SEC23B: variants seen among roughly 807,000 people sequenced by gnomAD.
SEC23B encodes protein transport protein Sec23B.
Under a neutral mutation model 104.3 loss-of-function variants are expected in SEC23B, and 77 were observed. The observed-to-expected ratio is 0.74, with a 90% confidence interval of 0.61 to 0.89. The LOEUF is 0.89. Among genes scored for constraint, SEC23B ranks in the 40% least tolerant of loss-of-function variants. The pLI is 0.00. For missense variants in SEC23B, 885 were observed against 949.4 expected (o/e 0.93, Z 0.89); for synonymous variants, 338 against 332.5 (o/e 1.02, Z -0.18).
chr20:18,549,609 C>T (rs935977333), intron 16 of SEC23B, among the ~76,000 whole-genome samples: 3 of 151,508 alleles, frequency 2.0e-5, no homozygotes, highest in Admixed American at 1.3e-4. Context: ...AAAATAGAAA[C>T]GTTTCTAAAT....
chr20:18,525,085 G>T, intron 6 of SEC23B, 65 bp downstream of exon 6: 1 of 1,343,392 alleles, frequency 7.4e-7, no homozygotes, highest in South Asian at 1.2e-5. Context: ...ATGGGAGTAA[G>T]GGAAGAAAAA....
chr20:18,526,688 T>A (rs1053071867), intron 8 of SEC23B, among the ~76,000 whole-genome samples, 157 bp downstream of exon 8: 1 of 152,202 alleles, frequency 6.6e-6, no homozygotes, highest in African/African-American at 2.4e-5. Context: ...AAATTATTGC[T>A]CCTACTTTCA....
chr20:18,526,056 G>A, intron 7 of SEC23B, 124 bp downstream of exon 7: 2 of 1,140,898 alleles, frequency 1.8e-6, no homozygotes, highest in Non-Finnish European at 2.6e-6. Flanking sequence ...GTATCAGAAA[G>A]CATTTGAGGC....
intron 12 of SEC23B, among the ~76,000 whole-genome samples, chr20:18,537,164 T>C (rs62216397): frequency 1 from 145,980 of 146,354 alleles, 72,804 homozygotes; most frequent in Middle Eastern, 1. Context: ...AGTTCAATCC[T>C]TGTGGAAGTC....
intron 11 of SEC23B, among the ~76,000 whole-genome samples, chr20:18,534,069 T>C (rs1455889474): frequency 6.6e-6 from 1 of 152,250 alleles, no homozygotes; most frequent in Non-Finnish European, 1.5e-5. Context: ...TCATTGATTG[T>C]TAACATTTTG....
intron 14 of SEC23B, 43 bp from the exon 15 acceptor site, chr20:18,545,913 T>G: frequency 8.8e-7 from 1 of 1,133,958 alleles, no homozygotes. Flanking sequence ...TTCTCTCTCT[T>G]TTTGTGTGTG....
intron 15 of SEC23B, among the ~76,000 whole-genome samples, chr20:18,548,255 G>C (rs1462811811): frequency 3.6e-5 from 3 of 83,062 alleles, no homozygotes; most frequent in Non-Finnish European, 7.0e-5. Flanking sequence ...CTGGCCAAAG[G>C]CCCTTTAAAA....
intron 3 of SEC23B, among the ~76,000 whole-genome samples, chr20:18,513,856 C>T (rs766171038): frequency 6.6e-6 from 1 of 152,086 alleles, no homozygotes; most frequent in Admixed American, 6.6e-5. Context: ...AGCCAGACTG[C>T]CTGGGTTTGG....
At chr20:18,512,361 G>A (rs766065824) in intron 3 of SEC23B, 79 bp downstream of exon 3, 9 of 884,348 alleles carry the variant, frequency 1.0e-5, no homozygotes, top group Non-Finnish European at 1.3e-5. Context: ...GGTTGAATTT[G>A]TGTTTACACT....
At chr20:18,537,160 ATC>A (rs2148910074) in intron 12 of SEC23B, among the ~76,000 whole-genome samples, 1 of 151,634 alleles carries the variant, frequency 6.6e-6, no homozygotes, top group East Asian at 1.9e-4. Flanking sequence ...AACTAGTTCA[ATC>A]CTTGTGGAAG....
At position 18,542,898 on chromosome 20, in the gene SEC23B, C is replaced by A. The variant is rs375197570; in HGVS notation, c.1512-121C>A. The A allele has an allele frequency of 2.9e-5, 38 of 1,313,798 alleles. No homozygotes were observed. In the East Asian group the frequency reaches 8.5e-4, roughly 29 times the overall value. The allele number at this position is 1,313,798 out of a possible 1,614,324, so 81.4% of individuals were successfully genotyped here. A position where few individuals can be genotyped will look rare whatever the true frequency, so the allele number is the denominator to read the frequency against. On this transcript the variant is annotated intron_variant, in intron 13 of 19. Transcript: ENST00000650089. ...AAGCAGTCCTGCCACCTTGCCCTCC[C>A]AAAGTGTTGGGATTTCAGGAATGAG...
chr20:18,516,599 T>C (rs1333071340), intron 4 of SEC23B, among the ~76,000 whole-genome samples: 2 of 151,422 alleles, frequency 1.3e-5, no homozygotes, highest in Admixed American at 6.6e-5. Context: ...TTGCCCAGGC[T>C]GGAGTGCAGT....
intron 4 of SEC23B, among the ~76,000 whole-genome samples, chr20:18,517,676 G>A (rs1568600446): frequency 6.6e-6 from 1 of 152,182 alleles, no homozygotes; most frequent in Admixed American, 6.5e-5. Context: ...CTTCTAGCGG[G>A]ATTAGGGGCA....
chr20:18,529,754 G>A (rs1568609100), intron 9 of SEC23B, among the ~76,000 whole-genome samples: 1 of 152,210 alleles, frequency 6.6e-6, no homozygotes. Flanking sequence ...AAGGCAGGCT[G>A]GAAAATGTCA....
intron 1 of SEC23B, chr20:18,509,860 A>G (rs1354551506): frequency 1.3e-5 from 2 of 152,286 alleles, no homozygotes; most frequent in Non-Finnish European, 2.9e-5. Flanking sequence ...TGCTGCGAGT[A>G]TAGGTGTGAG....
chr20:18,535,809 T>C, intron 12 of SEC23B, 67 bp downstream of exon 12: 1 of 1,209,786 alleles, frequency 8.3e-7, no homozygotes, highest in Non-Finnish European at 1.2e-6. Flanking sequence ...CTCAAACCAG[T>C]GGTCTCTGGT....
intron 12 of SEC23B, 30 bp downstream of exon 12, chr20:18,535,772 G>A: frequency 6.6e-7 from 1 of 1,505,152 alleles, no homozygotes; most frequent in Non-Finnish European, 9.3e-7. Flanking sequence ...ATGTCTTCAT[G>A]TCTTAGTGTC....
intron 14 of SEC23B, among the ~76,000 whole-genome samples, chr20:18,545,709 A>G (rs2060325661): frequency 1.3e-5 from 2 of 152,198 alleles, no homozygotes; most frequent in Admixed American, 1.3e-4. Flanking sequence ...TCAGGCCAGC[A>G]TTGCCTGAGA....
At chr20:18,530,885 T>G in intron 10 of SEC23B, 82 bp downstream of exon 10, 1 of 1,170,944 alleles carries the variant, frequency 8.5e-7, no homozygotes, top group Non-Finnish European at 1.3e-6. Flanking sequence ...CAGGCAATTT[T>G]CCCGCCTCAG....
Sources: gnomAD v4.1 joint callset for allele counts (sites outside exome capture counted in the v4.1 genomes callset) on GRCh38, gnomAD v4.1.1 for gene constraint, MANE v1.5 for transcripts, NCBI Gene and HGNC (gene_info 2026-07-23, HGNC 2026-07-21) for gene names.